Variants in CDH12 observed in about 807,000 individuals in gnomAD.
CDH12 encodes cadherin-12.
CDH12 carries 41 observed loss-of-function variants against 74.1 expected under a neutral mutation model. The ratio of observed to expected loss-of-function variants is 0.55; its 90% CI spans 0.43 to 0.72. The LOEUF (loss-of-function observed/expected upper bound fraction) is 0.72, where lower values mean the gene tolerates loss of function less well. CDH12 is among the 30% of genes least tolerant of loss of function. The pLI, the probability that CDH12 is intolerant of heterozygous loss-of-function variation, is 0.00. For missense variants in CDH12, 945 were observed against 977.2 expected, an observed-to-expected ratio of 0.97 and a Z score of 0.44; for synonymous variants, 399 against 355.0, an observed-to-expected ratio of 1.12 and a Z score of -1.39.
intron 6 of CDH12, among the ~76,000 whole-genome samples, chr5:21,948,370 T>C (rs1209368376): frequency 6.6e-6 from 1 of 152,190 alleles, no homozygotes; most frequent in Non-Finnish European, 1.5e-5. Flanking sequence ...ATGTGAAACA[T>C]GGAGACAAGG....
chr5:22,511,154 C>A (rs1736590326), intron 1 of CDH12, among the ~76,000 whole-genome samples: 1 of 152,106 alleles, frequency 6.6e-6, no homozygotes, highest in South Asian at 2.1e-4. Flanking sequence ...CTCGGCCTCC[C>A]AAAGTGCTGG....
intron 1 of CDH12, among the ~76,000 whole-genome samples, chr5:22,798,686 G>A (rs1748353705): frequency 6.6e-6 from 1 of 152,002 alleles, no homozygotes. Flanking sequence ...ACAAGATTAT[G>A]CATTGGTAGT....
At chr5:22,673,765 A>G (rs771797230) in intron 1 of CDH12, among the ~76,000 whole-genome samples, 2 of 152,170 alleles carry the variant, frequency 1.3e-5, no homozygotes, top group Non-Finnish European at 2.9e-5. Flanking sequence ...TTACTCATAA[A>G]GATAATTTTA....
intron 2 of CDH12, among the ~76,000 whole-genome samples, chr5:22,434,049 AC>A: frequency 6.6e-6 from 1 of 152,236 alleles, no homozygotes; most frequent in Non-Finnish European, 1.5e-5. Context: ...CCCACACATG[AC>A]TTTTATATGG....
At chr5:22,568,667 T>A (rs1739402602) in intron 1 of CDH12, among the ~76,000 whole-genome samples, 1 of 152,136 alleles carries the variant, frequency 6.6e-6, no homozygotes, top group Non-Finnish European at 1.5e-5. Flanking sequence ...AGTGACTAAA[T>A]AATAAATACA....
chr5:22,062,655 CACTGCAAAGGTTCTCAGATATGTA>C (rs1237387488), intron 5 of CDH12, among the ~76,000 whole-genome samples: 1 of 152,160 alleles, frequency 6.6e-6, no homozygotes, highest in Non-Finnish European at 1.5e-5. Flanking sequence ...CACTTGAATA[CACTGCAAAGGTTCTCAGATATGTA>C]AGTGATGCAG....
intron 1 of CDH12, among the ~76,000 whole-genome samples, chr5:22,686,221 G>C (rs1380332194): frequency 6.6e-6 from 1 of 151,832 alleles, no homozygotes; most frequent in East Asian, 1.9e-4. Flanking sequence ...TTTTCACCCA[G>C]TTTCAATTTT....
intron 5 of CDH12, among the ~76,000 whole-genome samples, chr5:22,070,103 T>C (rs1048565685): frequency 6.6e-6 from 1 of 152,188 alleles, no homozygotes; most frequent in Non-Finnish European, 1.5e-5. Flanking sequence ...TTAATATCTT[T>C]TTTCTTCCCT....
rs746993097 is a variant in CDH12, at chr5:21,854,742, T to G, written c.575A>C (p.Tyr192Ser). ...VKATDADDPT[Y>S]GNSARVVYSI... ...GTAAACGACTCTGGCACTGTTTCCA[T>G]AGGTCGGGTCATCTGCATCTGTGGC... Residue 192 changes from tyrosine (Y) to serine (S), a missense_variant, in exon 7 of 15, where the codon TAT becomes TCT. Transcript: ENST00000382254. 1 of 1,609,408 alleles carries G rather than the reference T, an allele frequency of 6.2e-7. No homozygotes were observed. The highest frequency in any genetic ancestry group is 1.7e-5 in the Admixed American group (1 of 59,664).
chr5:21,921,865 TC>T (rs1331375905), intron 6 of CDH12, among the ~76,000 whole-genome samples: 1 of 152,202 alleles, frequency 6.6e-6, no homozygotes, highest in African/African-American at 2.4e-5. Context: ...GGCCTTCCCC[TC>T]CTTTGTCATC....
intron 3 of CDH12, among the ~76,000 whole-genome samples, chr5:22,308,809 AACACACACACACACACACAC>A (rs774664506): frequency 1.2e-5 from 1 of 85,316 alleles, no homozygotes; most frequent in African/African-American, 3.8e-5. Context: ...CAAATACACA[AACACACACACACACACACAC>A]ACACACACAC....
intron 1 of CDH12, among the ~76,000 whole-genome samples, chr5:22,682,207 C>G (rs1280059538): frequency 6.6e-6 from 1 of 152,000 alleles, no homozygotes; most frequent in Non-Finnish European, 1.5e-5. Flanking sequence ...ATAAAAATGT[C>G]TTTACAATAC....
chr5:22,523,813 G>A (rs1447179892), intron 1 of CDH12, among the ~76,000 whole-genome samples: 1 of 151,704 alleles, frequency 6.6e-6, no homozygotes, highest in East Asian at 1.9e-4. Flanking sequence ...CTAGCATATG[G>A]CCCTGGAATA....
chr5:22,117,464 A>G (rs1377940131), intron 4 of CDH12, among the ~76,000 whole-genome samples: 3 of 65,566 alleles, frequency 4.6e-5, no homozygotes, highest in Non-Finnish European at 2.8e-5. Context: ...TATATTATAT[A>G]TATAATATAT....
At chr5:22,220,876 C>A (rs1049831605) in intron 3 of CDH12, among the ~76,000 whole-genome samples, 1 of 151,622 alleles carries the variant, frequency 6.6e-6, no homozygotes. Context: ...TACTCATTCC[C>A]ACTTCATCCT....
intron 3 of CDH12, among the ~76,000 whole-genome samples, chr5:22,266,736 C>A (rs1221241643): frequency 6.6e-6 from 1 of 152,042 alleles, no homozygotes; most frequent in Non-Finnish European, 1.5e-5. Flanking sequence ...ATATTCTCAA[C>A]AGCAGAGAAA....
At chr5:22,609,748 T>C (rs1737300622) in intron 1 of CDH12, among the ~76,000 whole-genome samples, 1 of 152,216 alleles carries the variant, frequency 6.6e-6, no homozygotes, top group African/African-American at 2.4e-5. Flanking sequence ...TAAAAAAACA[T>C]GAAGGAAATT....
chr5:22,608,207 C>A (rs1323352723), intron 1 of CDH12, among the ~76,000 whole-genome samples: 1 of 152,176 alleles, frequency 6.6e-6, no homozygotes, highest in African/African-American at 2.4e-5. Context: ...CTATTCCCTG[C>A]AAAGCCACAG....
chr5:22,414,563 C>T (rs1743302230), intron 2 of CDH12, among the ~76,000 whole-genome samples: 1 of 151,784 alleles, frequency 6.6e-6, no homozygotes, highest in South Asian at 2.1e-4. Flanking sequence ...ATGTAAGGTT[C>T]TCATAGAAAT....
Sources: gnomAD v4.1 joint callset for allele counts (sites outside exome capture counted in the v4.1 genomes callset) on GRCh38, gnomAD v4.1.1 for gene constraint, MANE v1.5 for transcripts, NCBI Gene and HGNC (gene_info 2026-07-23, HGNC 2026-07-21) for gene names.